The following VPS13B variants were observed in gnomAD, a reference collection of about 807,000 sequenced individuals.
VPS13B encodes intermembrane lipid transfer protein VPS13B.
In VPS13B, 285 loss-of-function variants were observed where a neutral mutation model predicts 426.4. That is an observed-to-expected ratio of 0.67 (90% CI 0.61 to 0.74). The LOEUF (loss-of-function observed/expected upper bound fraction) is 0.74. Among genes scored for constraint, VPS13B ranks in the 30% least tolerant of loss-of-function variants. VPS13B has a pLI of 0.00. For synonymous variants in VPS13B, 1,676 were observed against 1,676.4 expected (o/e 1.00, Z 0.01); for missense variants, 4,537 against 4,782.6 (o/e 0.95, Z 1.51).
Position 99,817,553 on chromosome 8 carries a change from G to A in VPS13B, c.8111G>A (p.Gly2704Glu). 1 of 1,613,888 alleles carries A rather than the reference G, an allele frequency of 6.2e-7. No individual in the cohort carries two copies. Among genetic ancestry groups the A allele is most frequent in the Non-Finnish European group, 8.5e-7 (1 of 1,179,922 alleles). Residue 2704 changes from glycine to glutamate, a missense_variant, in exon 45 of 62, where the codon GGA becomes GAA. Around this residue, in one of 2 missense-constraint regions of VPS13B, gnomAD observed 4,311 missense variants for 4,474.3 expected, o/e 0.96. Coordinates refer to ENST00000357162, the MANE Select transcript of VPS13B (RefSeq NM_152564.5). ...ACTGTCTTTTAGATTATCATCTGTG[G>A]AAGACAGATCATCTGTAGTTACTTG... ...NGVQKQIIIC[G>E]RQIICSYLSQ... is the part of the protein sequence containing the mutation.
intron 23 of VPS13B, among the ~76,000 whole-genome samples, chr8:99,443,808 G>T (rs1817787662): frequency 6.6e-6 from 1 of 152,048 alleles, no homozygotes; most frequent in Admixed American, 6.6e-5. Flanking sequence ...GTGTGGATTT[G>T]TTTTAATTTC....
At chr8:99,132,046 A>G (rs760482257) in intron 8 of VPS13B, among the ~76,000 whole-genome samples, 15 of 152,060 alleles carry the variant, frequency 9.9e-5, no homozygotes, top group Non-Finnish European at 1.8e-4. Flanking sequence ...GCAGGCATGC[A>G]CCACCACGCT....
chr8:99,762,144 G>A (rs138062512), intron 39 of VPS13B, among the ~76,000 whole-genome samples: 12 of 152,106 alleles, frequency 7.9e-5, no homozygotes, highest in Middle Eastern at 3.4e-3. Context: ...TCCGACTTCA[G>A]CCTCCTAAGT....
chr8:99,279,826 G>A (rs1318310761), intron 19 of VPS13B, among the ~76,000 whole-genome samples: 1 of 151,998 alleles, frequency 6.6e-6, no homozygotes, highest in Non-Finnish European at 1.5e-5. Flanking sequence ...CTGGAGTGCA[G>A]TGGCGCGATC....
rs1815140494 is a variant in VPS13B at position 99,832,610 on chromosome 8, C to G, written c.9572C>G (p.Ala3191Gly). 14 of 1,613,898 alleles carry G rather than the reference C, an allele frequency of 8.7e-6. No homozygotes were observed. The highest frequency in any genetic ancestry group is 1.7e-5 in the Admixed American group (1 of 60,006). Reference protein sequence around the residue: ...VRPEFPRQSVAVPLGNFRENG... With the variant: ...VRPEFPRQSVGVPLGNFRENG... ...CCAGAGTTTCCCAGACAGAGTGTGG[C>G]AGTACCCCTCGGGAATTTCCGGGAA... The change falls in exon 52 of 62, where the codon GCA becomes GGA. Residue 3191 changes from alanine (A) to glycine (G), a missense_variant. Around this residue, in one of 2 missense-constraint regions of VPS13B, gnomAD observed 4,311 missense variants for 4,474.3 expected, o/e 0.96. Transcript: ENST00000357162.
rs1249212309 is a variant in VPS13B, at chr8:99,828,392, CCGTTTTTTTTTTTTTTTTT to C, written c.9331-3976_9331-3958del. On this transcript the variant is annotated intron_variant, in intron 51 of 61. Coordinates refer to ENST00000357162, the MANE Select transcript of VPS13B (RefSeq NM_152564.5). ...TTATCAGAGACTAGGATTACAACCA[CCGTTTTTTTTTTTTTTTTT>C]TTTTTTTTTTTTTTTTTTTTTTTGC... Among the ~76,000 whole-genome samples, 307 of 47,620 alleles carry C rather than the reference CCGTTTTTTTTTTTTTTTTT, an allele frequency of 6.4e-3. 9 individuals carry two copies. The highest frequency in any genetic ancestry group is 0.01 in the Admixed American group (43 of 4,202). The allele number at this position is 47,620 out of a possible 152,430, so 31.2% of individuals were successfully genotyped here. A position where few individuals can be genotyped will look rare whatever the true frequency, so the allele number is the denominator to read the frequency against.
At chr8:99,173,153 T>C (rs1812447847) in intron 16 of VPS13B, among the ~76,000 whole-genome samples, 1 of 152,206 alleles carries the variant, frequency 6.6e-6, no homozygotes, top group Non-Finnish European at 1.5e-5. Context: ...ACTAGCAAAG[T>C]TATTGAACAG....
chr8:99,363,412 AT>A (rs1394580720), intron 19 of VPS13B, among the ~76,000 whole-genome samples: 11 of 151,632 alleles, frequency 7.3e-5, no homozygotes. Flanking sequence ...GTAATGTTCA[AT>A]TTTTTTCTTT....
intron 17 of VPS13B, among the ~76,000 whole-genome samples, chr8:99,250,756 C>T (rs986662347): frequency 8.0e-6 from 1 of 124,588 alleles, no homozygotes; most frequent in Non-Finnish European, 1.6e-5. Flanking sequence ...ACAATCATAG[C>T]TCATTGTAAG....
rs566637609 is a variant in VPS13B, at chr8:99,277,382, G to T, written c.2824+2128G>T. Among the ~76,000 whole-genome samples, 70 of 152,004 alleles carry T rather than the reference G, an allele frequency of 4.6e-4. 2 individuals are homozygous for T. Among genetic ancestry groups the T allele is most frequent in the Admixed American group, 3.2e-3 (49 of 15,278 alleles). ...ACTGCCACCCACATTCATGGCTTAG[G>T]TATTTATGATATGGTTTAGAGAGCT... On this transcript the variant is annotated intron_variant, in intron 19 of 61. Transcript: ENST00000357162.
In VPS13B at chr8:99,520,993, T is replaced by C. The variant is rs1158360713; in HGVS notation, c.4728T>C (p.Leu1576=). Residue 1576 remains leucine, a synonymous_variant, in exon 30 of 62, where the codon CTT becomes CTC. Transcript: ENST00000357162. ...QADNPLGRSV[L]RKDIYQRALN... ...ACAATCCCCTTGGCAGATCTGTCCT[T>C]AGGAAAGATATTTACCAGTAAGTTT... The C allele has an allele frequency of 1.2e-6, 2 of 1,613,554 alleles. No individual in the cohort carries two copies. The highest frequency in any genetic ancestry group is 2.7e-5 in the African/African-American group (2 of 75,038).
chr8:99,176,968 G>T (rs1217252483), intron 16 of VPS13B, among the ~76,000 whole-genome samples: 1 of 152,178 alleles, frequency 6.6e-6, no homozygotes, highest in East Asian at 1.9e-4. Context: ...ACTCATATTA[G>T]TCAGCAGATG....
intron 13 of VPS13B, among the ~76,000 whole-genome samples, chr8:99,145,527 A>T (rs938778339): frequency 7.1e-6 from 1 of 140,244 alleles, no homozygotes; most frequent in African/African-American, 2.6e-5. Flanking sequence ...TCCATTTCTA[A>T]AATTTTGTCA....
chr8:99,860,974 G>C (rs1386049493), intron 57 of VPS13B, among the ~76,000 whole-genome samples: 18 of 152,204 alleles, frequency 1.2e-4, no homozygotes, highest in Non-Finnish European at 2.6e-4. Flanking sequence ...ATAAGGTTTA[G>C]TATCTCCCCC....
intron 17 of VPS13B, among the ~76,000 whole-genome samples, chr8:99,193,549 T>A (rs920875522): frequency 6.6e-6 from 1 of 152,160 alleles, no homozygotes; most frequent in African/African-American, 2.4e-5. Context: ...ATAAGAGATA[T>A]CTTCATCTTA....
chr8:99,813,607 T>G (rs1009511437), intron 44 of VPS13B, among the ~76,000 whole-genome samples: 1 of 152,238 alleles, frequency 6.6e-6, no homozygotes, highest in African/African-American at 2.4e-5. Flanking sequence ...TTTTATGGTT[T>G]GTTATTGTGA....
chr8:99,234,959 GA>G (rs1486848797), intron 17 of VPS13B, among the ~76,000 whole-genome samples: 2 of 152,058 alleles, frequency 1.3e-5, no homozygotes, highest in Non-Finnish European at 2.9e-5. Flanking sequence ...AAAATATGAA[GA>G]GTATGAAAAG....
At chr8:99,339,202 A>G (rs1055809855) in intron 19 of VPS13B, among the ~76,000 whole-genome samples, 2 of 152,076 alleles carry the variant, frequency 1.3e-5, no homozygotes, top group Non-Finnish European at 2.9e-5. Context: ...TAAGTTTGGA[A>G]GAGTTTTTGT....
chr8:99,849,909 G>A (rs1257800277), intron 55 of VPS13B, among the ~76,000 whole-genome samples: 1 of 149,750 alleles, frequency 6.7e-6, no homozygotes, highest in Non-Finnish European at 1.5e-5. Flanking sequence ...TGTGTTATCT[G>A]TACATACATA....
Sources: gnomAD v4.1 joint callset for allele counts (sites outside exome capture counted in the v4.1 genomes callset) on GRCh38, gnomAD v4.1.1 for gene constraint, gnomAD v4.1.1 regional missense constraint, MANE v1.5 for transcripts, NCBI Gene and HGNC (gene_info 2026-07-23, HGNC 2026-07-21) for gene names.